DGKB: variants seen among roughly 807,000 people sequenced by gnomAD.
DGKB encodes the protein diacylglycerol kinase beta, also known as 90 kDa diacylglycerol kinase.
Under a neutral mutation model 114.3 loss-of-function variants are expected in DGKB, and 67 were observed. The ratio of observed to expected loss-of-function variants is 0.59; its 90% CI spans 0.48 to 0.72. DGKB has a LOEUF of 0.72. Among genes scored for constraint, DGKB ranks in the 30% least tolerant of loss-of-function variants. The pLI is 0.00. For synonymous variants in DGKB, 398 were observed against 323.1 expected (o/e 1.23, Z -2.49); for missense variants, 907 against 975.2 (o/e 0.93, Z 0.93).
intron 20 of DGKB, among the ~76,000 whole-genome samples, chr7:14,527,388 G>T (rs943914172): frequency 7.9e-5 from 12 of 151,910 alleles, no homozygotes; most frequent in African/African-American, 2.7e-4. Flanking sequence ...CTGTTTTGTG[G>T]TCATTTTGGT....
chr7:14,583,407 A>T (rs903920551), intron 17 of DGKB, among the ~76,000 whole-genome samples: 1 of 152,098 alleles, frequency 6.6e-6, no homozygotes, highest in African/African-American at 2.4e-5. Context: ...TTAAGGATAA[A>T]ATTAGTAAAT....
intron 5 of DGKB, among the ~76,000 whole-genome samples, chr7:14,733,602 C>G (rs1023722215): frequency 1.3e-5 from 2 of 151,994 alleles, no homozygotes; most frequent in African/African-American, 4.8e-5. Flanking sequence ...GCAGGAGGAT[C>G]TCTTGAATCC....
At chr7:14,257,992 T>C (rs38286) in intron 23 of DGKB, among the ~76,000 whole-genome samples, 82,667 of 152,024 alleles carry the variant, frequency 0.54, 24,681 homozygotes, top group East Asian at 0.99. Flanking sequence ...CCTCCCAAAG[T>C]GCTGGGATTG....
chr7:14,951,273 C>T (rs569269361), intron 1 of DGKB, among the ~76,000 whole-genome samples: 3 of 152,012 alleles, frequency 2.0e-5, no homozygotes, highest in African/African-American at 7.2e-5. Flanking sequence ...TTCATAATTG[C>T]CAAAACTTAG....
intron 2 of DGKB, among the ~76,000 whole-genome samples, chr7:14,822,686 A>C (rs998716192): frequency 1.3e-5 from 2 of 152,114 alleles, no homozygotes; most frequent in African/African-American, 4.8e-5. Context: ...AGAAAATAAG[A>C]ATTGTAGGTG....
chr7:14,917,088 T>C (rs527877620), intron 1 of DGKB, among the ~76,000 whole-genome samples: 1 of 152,050 alleles, frequency 6.6e-6, no homozygotes, highest in South Asian at 2.1e-4. Context: ...ACTAAATGAC[T>C]AAGAAAACAA....
intron 13 of DGKB, among the ~76,000 whole-genome samples, chr7:14,645,629 C>T (rs1473184082): frequency 4.0e-5 from 6 of 151,636 alleles, no homozygotes; most frequent in Non-Finnish European, 2.9e-5. Flanking sequence ...CCCCATTAGA[C>T]TAACAACACA....
intron 20 of DGKB, among the ~76,000 whole-genome samples, chr7:14,481,449 C>T (rs1782978283): frequency 2.0e-5 from 3 of 151,714 alleles, no homozygotes; most frequent in Admixed American, 2.0e-4. Flanking sequence ...ATAGAGGTAC[C>T]CAAATATTGT....
At chr7:14,743,200 T>C (rs1832804784) in intron 4 of DGKB, among the ~76,000 whole-genome samples, 1 of 152,158 alleles carries the variant, frequency 6.6e-6, no homozygotes, top group Non-Finnish European at 1.5e-5. Flanking sequence ...AGTAAACTAA[T>C]GTAAGGGTAA....
chr7:14,760,631 T>C (rs1344861209), intron 2 of DGKB, among the ~76,000 whole-genome samples: 3 of 152,068 alleles, frequency 2.0e-5, no homozygotes, highest in Non-Finnish European at 4.4e-5. Context: ...CACAGATGCA[T>C]ACATTCTGGA....
chr7:14,654,658 T>C (rs773114702), intron 13 of DGKB, among the ~76,000 whole-genome samples: 2 of 151,934 alleles, frequency 1.3e-5, no homozygotes, highest in Non-Finnish European at 2.9e-5. Context: ...CAAAACAGCA[T>C]AGCATTGCTA....
chr7:14,276,898 C>T (rs181247097), intron 23 of DGKB, among the ~76,000 whole-genome samples: 483 of 151,748 alleles, frequency 3.2e-3, no homozygotes, highest in Non-Finnish European at 5.7e-3. Context: ...TAATTGTATA[C>T]GTATATATGG....
intron 1 of DGKB, among the ~76,000 whole-genome samples, chr7:14,913,708 A>G (rs1784100099): frequency 6.6e-6 from 1 of 152,162 alleles, no homozygotes; most frequent in East Asian, 1.9e-4. Context: ...AAGAATTTTC[A>G]AGGATGACTT....
At chr7:14,207,577 T>A (rs1310363787) in intron 23 of DGKB, among the ~76,000 whole-genome samples, 1 of 152,080 alleles carries the variant, frequency 6.6e-6, no homozygotes, top group East Asian at 1.9e-4. Context: ...GCTGTATGGC[T>A]TTTAAGCCTA....
intron 20 of DGKB, among the ~76,000 whole-genome samples, chr7:14,506,405 A>T (rs1309801237): frequency 6.6e-6 from 1 of 152,212 alleles, no homozygotes; most frequent in Non-Finnish European, 1.5e-5. Context: ...AAAATAGACT[A>T]TGTAGCTATA....
chr7:14,246,045 G>A (rs1225408356), intron 23 of DGKB, among the ~76,000 whole-genome samples: 1 of 152,190 alleles, frequency 6.6e-6, no homozygotes, highest in Non-Finnish European at 1.5e-5. Flanking sequence ...CATAGGAATT[G>A]GCATTCTGGT....
intron 6 of DGKB, among the ~76,000 whole-genome samples, chr7:14,706,142 C>CA (rs1826183575): frequency 7.3e-6 from 1 of 137,230 alleles, no homozygotes; most frequent in African/African-American, 2.8e-5. Flanking sequence ...AAATGGAAAA[C>CA]AAAAAAAGGC....
At chr7:14,209,828 T>G (rs933536974) in intron 23 of DGKB, among the ~76,000 whole-genome samples, 1 of 152,000 alleles carries the variant, frequency 6.6e-6, no homozygotes, top group African/African-American at 2.4e-5. Flanking sequence ...GTATTGTTAT[T>G]TTATCATTAT....
chr7:14,513,924 G>T (rs968128290), intron 20 of DGKB, among the ~76,000 whole-genome samples: 11 of 151,866 alleles, frequency 7.2e-5, no homozygotes, highest in East Asian at 3.9e-4. Context: ...ACCAAAATTT[G>T]CTGGTATTGC....
Sources: allele counts gnomAD v4.1 joint callset (sites outside exome capture counted in the v4.1 genomes callset), GRCh38; gene constraint gnomAD v4.1.1; transcripts MANE v1.5; gene names NCBI Gene and HGNC (gene_info 2026-07-23, HGNC 2026-07-21).